CEP128: variants seen among roughly 807,000 people sequenced by gnomAD.
CEP128 encodes the protein centrosomal protein 128kDa.
CEP128 carries 132 observed loss-of-function variants against 156.7 expected under a neutral mutation model. The ratio of observed to expected loss-of-function variants is 0.84; its 90% confidence interval spans 0.73 to 0.97. CEP128 has a LOEUF of 0.97. Among genes scored for constraint, CEP128 ranks in the 50% least tolerant of loss-of-function variants. The pLI, the probability that CEP128 is intolerant of heterozygous loss-of-function variation, is 0.00. For synonymous variants in CEP128, 469 were observed against 448.9 expected (o/e 1.04, Z -0.57); for missense variants, 1,252 against 1,281.9 (o/e 0.98, Z 0.36).
intron 19 of CEP128, among the ~76,000 whole-genome samples, chr14:80,703,590 A>G (rs1290092764): frequency 6.6e-6 from 1 of 152,074 alleles, no homozygotes; most frequent in Non-Finnish European, 1.5e-5. Flanking sequence ...ATTCAAAAAT[A>G]TTAAAACCAA....
chr14:80,824,290 C>G (rs1885352465), intron 13 of CEP128, among the ~76,000 whole-genome samples: 1 of 152,188 alleles, frequency 6.6e-6, no homozygotes, highest in African/African-American at 2.4e-5. Flanking sequence ...CTCTGACATG[C>G]CCTGGAGACA....
chr14:80,546,649 T>C (rs1242546830), intron 21 of CEP128, among the ~76,000 whole-genome samples: 1 of 152,212 alleles, frequency 6.6e-6, no homozygotes, highest in Non-Finnish European at 1.5e-5. Flanking sequence ...AAAGCCACTA[T>C]ATAGTTAATG....
At chr14:80,668,351 A>T (rs1172543508) in intron 19 of CEP128, among the ~76,000 whole-genome samples, 2 of 152,190 alleles carry the variant, frequency 1.3e-5, no homozygotes, top group African/African-American at 4.8e-5. Context: ...GGCATATATA[A>T]AACAAAAAAT....
intron 16 of CEP128, among the ~76,000 whole-genome samples, chr14:80,773,142 C>T (rs1900605582): frequency 6.6e-6 from 1 of 152,008 alleles, no homozygotes; most frequent in Admixed American, 6.6e-5. Context: ...CTAGAATATC[C>T]AAGAACAAGA....
intron 19 of CEP128, among the ~76,000 whole-genome samples, chr14:80,602,491 G>T (rs936714246): frequency 2.6e-5 from 4 of 152,210 alleles, no homozygotes; most frequent in Non-Finnish European, 4.4e-5. Flanking sequence ...TTAAAAGGAG[G>T]CTGGGCGTGG....
chr14:80,577,293 T>C (rs1891400640), intron 20 of CEP128, among the ~76,000 whole-genome samples: 1 of 152,156 alleles, frequency 6.6e-6, no homozygotes, highest in Admixed American at 6.6e-5. Flanking sequence ...ACAGACATGA[T>C]GGCATCAAAT....
chr14:80,893,512 A>C (rs532563256), intron 8 of CEP128, among the ~76,000 whole-genome samples: 408 of 151,698 alleles, frequency 2.7e-3, no homozygotes, highest in Non-Finnish European at 4.2e-3. Flanking sequence ...CCAAAACAAA[A>C]AAAAAAAATG....
intron 14 of CEP128, among the ~76,000 whole-genome samples, chr14:80,789,644 C>T (rs1901599479): frequency 6.6e-6 from 1 of 151,960 alleles, no homozygotes; most frequent in African/African-American, 2.4e-5. Context: ...AATGCTCTAA[C>T]CAGGCAAACC....
chr14:80,732,471 GGTGTGTGTGT>G (rs10672093), intron 19 of CEP128, among the ~76,000 whole-genome samples: 5,117 of 127,706 alleles, frequency 0.04, 344 homozygotes, highest in African/African-American at 0.14. Context: ...TGATTAAGCA[GGTGTGTGTGT>G]GTGTGTGTGT....
Position 80,914,347 on chromosome 14 carries a change from T to C in CEP128, c.209A>G (p.Asn70Ser), listed in dbSNP as rs538356707. The change falls in exon 4 of 25, where the codon AAT (asparagine) becomes AGT (serine). Residue 70 changes from asparagine (N) to serine (S), a missense_variant. Asn to Ser is a conservative substitution (Grantham distance 46, BLOSUM62 1). Coordinates refer to ENST00000555265, the MANE Select transcript of CEP128 (RefSeq NM_152446.5). The stretch of plus-strand genomic sequence containing the variant: ...ATGTTCTATCGCACCCGCCTGTCCA[T>C]TACTGTATTCTCGGTATCGTCCAAG... ...QMLGRYREYSNGQAGAIEHLK... is the reference protein window; with the variant it reads ...QMLGRYREYSSGQAGAIEHLK... 9 of 1,613,832 alleles carry C rather than the reference T, an allele frequency of 5.6e-6. No individual in the cohort carries two copies. The South Asian group carries it at 9.9e-5, about 18-fold the overall frequency.
intron 19 of CEP128, among the ~76,000 whole-genome samples, chr14:80,616,038 A>T (rs573234962): frequency 6.6e-6 from 1 of 152,366 alleles, no homozygotes; most frequent in African/African-American, 2.4e-5. Context: ...AGCAGCTGCT[A>T]ACCAATGAAA....
chr14:80,852,312 A>C (rs1886931558), intron 9 of CEP128, among the ~76,000 whole-genome samples: 1 of 151,982 alleles, frequency 6.6e-6, no homozygotes, highest in Non-Finnish European at 1.5e-5. Context: ...ATTCCTAAAT[A>C]AGTTTTGAGT....
chr14:80,543,518 T>A (rs933512508), intron 21 of CEP128, among the ~76,000 whole-genome samples: 1 of 152,218 alleles, frequency 6.6e-6, no homozygotes, highest in Non-Finnish European at 1.5e-5. Flanking sequence ...ACATATGGAG[T>A]ACATGTGAGC....
chr14:80,855,499 A>G (rs1887104327), intron 9 of CEP128, among the ~76,000 whole-genome samples: 1 of 152,184 alleles, frequency 6.6e-6, no homozygotes, highest in Non-Finnish European at 1.5e-5. Flanking sequence ...TAGGGAAAGG[A>G]AAACTTATGA....
At chr14:80,815,267 A>T (rs1334187100) in intron 13 of CEP128, among the ~76,000 whole-genome samples, 3 of 152,218 alleles carry the variant, frequency 2.0e-5, no homozygotes, top group African/African-American at 7.2e-5. Context: ...AACAAGAACA[A>T]TCATTTTTCA....
intron 22 of CEP128, among the ~76,000 whole-genome samples, chr14:80,530,598 ATATC>A (rs1889179558): frequency 6.6e-6 from 1 of 152,134 alleles, no homozygotes; most frequent in Non-Finnish European, 1.5e-5. Flanking sequence ...GTGAAAGTCT[ATATC>A]TTCCTATCTT....
At chr14:80,651,940 G>A (rs1484788977) in intron 19 of CEP128, among the ~76,000 whole-genome samples, 2 of 152,006 alleles carry the variant, frequency 1.3e-5, no homozygotes, top group Non-Finnish European at 2.9e-5. Context: ...GGTCTGCTTG[G>A]TCCAGAGCTG....
At chr14:80,760,720 C>T (rs965692940) in intron 17 of CEP128, among the ~76,000 whole-genome samples, 1 of 152,088 alleles carries the variant, frequency 6.6e-6, no homozygotes, top group Non-Finnish European at 1.5e-5. Context: ...GACAGAAGTG[C>T]TTACCTGCAA....
At chr14:80,595,574 A>C (rs1892278547) in intron 19 of CEP128, among the ~76,000 whole-genome samples, 1 of 152,244 alleles carries the variant, frequency 6.6e-6, no homozygotes, top group South Asian at 2.1e-4. Context: ...AGCCAGGTGC[A>C]TATAATACCC....
Sources: allele counts gnomAD v4.1 joint callset (sites outside exome capture counted in the v4.1 genomes callset), GRCh38; gene constraint gnomAD v4.1.1; transcripts MANE v1.5; gene names NCBI Gene and HGNC (gene_info 2026-07-23, HGNC 2026-07-21).